The following VSIG10 variants were observed in gnomAD, a reference collection of about 807,000 sequenced individuals.
The protein encoded by VSIG10 is V-set and immunoglobulin domain containing 10, also known as V-set and immunoglobulin domain-containing protein 10.
Under a neutral mutation model 58.7 loss-of-function variants are expected in VSIG10, and 48 were observed. That is an observed-to-expected ratio of 0.82 (90% CI 0.65 to 1.04). The LOEUF (loss-of-function observed/expected upper bound fraction) is 1.04, where lower values mean the gene tolerates loss of function less well. Ranked by LOEUF, VSIG10 falls within the 50% of genes least tolerant of loss-of-function variation. The probability of loss-of-function intolerance (pLI) is 0.00; values close to 1 mark genes in which losing one functional copy is unlikely to be tolerated. For missense variants in VSIG10, 628 were observed against 670.0 expected (o/e 0.94, Z 0.69); for synonymous variants, 260 against 267.1 (o/e 0.97, Z 0.26).
At chr12:118,075,124 ATG>A (rs1285675783) in intron 4 of VSIG10, among the ~76,000 whole-genome samples, 1 of 145,312 alleles carries the variant, frequency 6.9e-6, no homozygotes, top group Non-Finnish European at 1.5e-5. Flanking sequence ...ATGTATATAT[ATG>A]TGTATATATG....
chr12:118,088,769 AG>A (rs1350152470), intron 2 of VSIG10, among the ~76,000 whole-genome samples: 1 of 152,126 alleles, frequency 6.6e-6, no homozygotes, highest in Admixed American at 6.6e-5. Context: ...TTTGAATCAA[AG>A]GGTATCTGTG....
chr12:118,081,705 C>A (rs2032953844), intron 3 of VSIG10, among the ~76,000 whole-genome samples: 2 of 152,140 alleles, frequency 1.3e-5, no homozygotes, highest in African/African-American at 2.4e-5. Context: ...AAGAATCATG[C>A]AGCAGGCACC....
At chr12:118,072,908 C>A (rs534660605) in intron 5 of VSIG10, among the ~76,000 whole-genome samples, 1 of 152,092 alleles carries the variant, frequency 6.6e-6, no homozygotes, top group African/African-American at 2.4e-5. Context: ...TTGGGACACA[C>A]TTATACTTAA....
At chr12:118,085,537 A>G (rs1036322975) in intron 2 of VSIG10, among the ~76,000 whole-genome samples, 18 of 152,218 alleles carry the variant, frequency 1.2e-4, no homozygotes, top group African/African-American at 4.3e-4. Context: ...TCAAATGCAT[A>G]TATAAGAGAC....
rs551348102 is a variant in VSIG10, at chr12:118,103,882, C to G, written c.-211G>C. The stretch of plus-strand genomic sequence containing the variant: ...TCGGCTGCAGGCTCGGGTCCCCGCT[C>G]CCGAGCGCCCTGGCCGGGGAGGGAG... On this transcript the variant is annotated 5_prime_UTR_variant, in exon 1 of 9. Coordinates refer to ENST00000359236, the MANE Select transcript of VSIG10 (RefSeq NM_019086.6). 2.3e-6 allele frequency: 1 copy of G among 440,214 alleles called. No individual in the cohort carries two copies. Among genetic ancestry groups the G allele is most frequent in the Non-Finnish European group, 3.9e-6 (1 of 253,794 alleles). The allele number at this position is 440,214 out of a possible 1,614,324, so 27.3% of individuals were successfully genotyped here.
intron 2 of VSIG10, among the ~76,000 whole-genome samples, chr12:118,083,565 T>C (rs1433264928): frequency 6.6e-6 from 1 of 151,464 alleles, no homozygotes; most frequent in African/African-American, 2.4e-5. Context: ...GGCAACAGAG[T>C]GAGACTTCAT....
chr12:118,090,344 C>G (rs1269531606), intron 2 of VSIG10, among the ~76,000 whole-genome samples: 1 of 152,198 alleles, frequency 6.6e-6, no homozygotes, highest in African/African-American at 2.4e-5. Flanking sequence ...GTCAGTCAAA[C>G]TGGGCTAGTG....
intron 2 of VSIG10, among the ~76,000 whole-genome samples, chr12:118,087,358 C>G (rs776541378): frequency 1.3e-5 from 2 of 151,988 alleles, no homozygotes; most frequent in Non-Finnish European, 2.9e-5. Flanking sequence ...GATGGACAAG[C>G]AGAGGACCAA....
At chr12:118,075,647 G>T (rs1351314700) in intron 4 of VSIG10, among the ~76,000 whole-genome samples, 1 of 152,074 alleles carries the variant, frequency 6.6e-6, no homozygotes, top group Non-Finnish European at 1.5e-5. Flanking sequence ...GAGCCACCGT[G>T]CCTGGCCAAC....
intron 8 of VSIG10, among the ~76,000 whole-genome samples, chr12:118,067,863 A>G (rs1226444972): frequency 6.6e-6 from 1 of 152,010 alleles, no homozygotes; most frequent in Admixed American, 6.6e-5. Context: ...CAGGACCTTG[A>G]TAAGTGTTTG....
chr12:118,087,467 C>T (rs879792889), intron 2 of VSIG10, among the ~76,000 whole-genome samples: 3 of 152,112 alleles, frequency 2.0e-5, no homozygotes, highest in Non-Finnish European at 2.9e-5. Context: ...TTGCAGATAA[C>T]AAACTGTCAT....
chr12:118,064,779 T>C lies in VSIG10; in HGVS notation c.*1860A>G, dbSNP rs992040829. The C allele has an allele frequency of 6.6e-6, 1 of 152,224 alleles. No homozygotes were observed. Among genetic ancestry groups the C allele is most frequent in the Non-Finnish European group, 1.5e-5 (1 of 68,064 alleles). The allele number at this position is 152,224 out of a possible 1,614,324, so 9.4% of individuals were successfully genotyped here. On this transcript the variant is annotated 3_prime_UTR_variant, in exon 9 of 9. Transcript: ENST00000359236. The stretch of plus-strand genomic sequence containing the variant: ...AGCAGGGGACAGGGCATACTTCTAG[T>C]GATTTGCTCAGTTTAATCCCTTCAT...
chr12:118,103,995 G>A lies in VSIG10; in HGVS notation c.-324C>T, dbSNP rs1293964963. 8.0e-6 allele frequency: 2 copies of A among 248,752 alleles called. No individual in the cohort carries two copies. The highest frequency in any genetic ancestry group is 7.3e-5 in the East Asian group (1 of 13,634). 15.4% of individuals were successfully genotyped at this position (248,752 alleles called of 1,614,324 possible). ...ATCCCTCCCGCCTCCCAGCCAGGCG[G>A]GAGCCCAACTTCCTCTACCTTGGCC... On this transcript the variant is annotated 5_prime_UTR_variant, in exon 1 of 9. Coordinates refer to ENST00000359236, the MANE Select transcript of VSIG10 (RefSeq NM_019086.6).
chr12:118,094,829 C>A (rs967723479), intron 2 of VSIG10, among the ~76,000 whole-genome samples: 1 of 151,954 alleles, frequency 6.6e-6, no homozygotes, highest in Non-Finnish European at 1.5e-5. Context: ...CTCCGCCTCC[C>A]AGGTTCAAGC....
intron 3 of VSIG10, among the ~76,000 whole-genome samples, chr12:118,081,422 T>C (rs189757863): frequency 6.1e-4 from 92 of 151,954 alleles, no homozygotes; most frequent in Non-Finnish European, 1.2e-3. Flanking sequence ...GCGTCCCAAG[T>C]TCAAGGGATT....
chr12:118,070,547 C>CAAAAAAAAAAAA (rs10607174), intron 7 of VSIG10, among the ~76,000 whole-genome samples: 3 of 111,640 alleles, frequency 2.7e-5, no homozygotes, highest in Non-Finnish European at 1.9e-5. Flanking sequence ...GATTCTGTCT[C>CAAAAAAAAAAAA]AAAAAAAAAA....
At chr12:118,100,001 G>C (rs1384899435) in intron 1 of VSIG10, among the ~76,000 whole-genome samples, 5 of 152,202 alleles carry the variant, frequency 3.3e-5, no homozygotes, top group African/African-American at 1.2e-4. Flanking sequence ...TAAGCCACTT[G>C]CTGAAAGGTG....
intron 1 of VSIG10, chr12:118,101,742 A>G (rs2033628279): frequency 6.6e-6 from 1 of 151,958 alleles, no homozygotes; most frequent in Admixed American, 6.6e-5. Flanking sequence ...TTCCCCAAAA[A>G]CTCCCAACTT....
chr12:118,076,644 T>C (rs1463226035), intron 4 of VSIG10, among the ~76,000 whole-genome samples: 1 of 151,158 alleles, frequency 6.6e-6, no homozygotes, highest in East Asian at 2.0e-4. Context: ...TGACTGATCC[T>C]GGCGCTTCTG....
Sources: allele counts gnomAD v4.1 joint callset (sites outside exome capture counted in the v4.1 genomes callset), GRCh38; gene constraint gnomAD v4.1.1; transcripts MANE v1.5; gene names NCBI Gene and HGNC (gene_info 2026-07-23, HGNC 2026-07-21).